MCF2L2: variants seen among roughly 807,000 people sequenced by gnomAD.
MCF2L2 encodes probable guanine nucleotide exchange factor MCF2L2.
MCF2L2 carries 102 observed loss-of-function variants against 150.2 expected under a neutral mutation model. The ratio of observed to expected loss-of-function variants is 0.68; its 90% CI spans 0.58 to 0.80. The LOEUF is 0.80. Among genes scored for constraint, MCF2L2 ranks in the 30% least tolerant of loss-of-function variants. The pLI is 0.00. For missense variants in MCF2L2, 1,256 were observed against 1,372.8 expected, an observed-to-expected ratio of 0.91 and a Z score of 1.34; for synonymous variants, 465 against 491.3, an observed-to-expected ratio of 0.95 and a Z score of 0.71.
intron 3 of MCF2L2, among the ~76,000 whole-genome samples, chr3:183,368,556 G>C (rs534909844): frequency 6.6e-6 from 1 of 152,098 alleles, no homozygotes; most frequent in Non-Finnish European, 1.5e-5. Context: ...TCGAGGTCAG[G>C]AGTTCGAGAC....
chr3:183,195,956 C>A (rs572538593), intron 25 of MCF2L2, among the ~76,000 whole-genome samples: 1 of 152,192 alleles, frequency 6.6e-6, no homozygotes, highest in African/African-American at 2.4e-5. Context: ...TGATTTCTGC[C>A]GGGACTGAGG....
rs1723392633 is a variant in MCF2L2, at chr3:183,227,645, C to T, written c.2115+652G>A. 6.6e-6 allele frequency: 1 copy of T among 152,090 alleles called. No homozygotes were observed. The highest frequency in any genetic ancestry group is 1.5e-5 in the Non-Finnish European group (1 of 68,028). The allele number at this position is 152,090 out of a possible 1,614,324, so 9.4% of individuals were successfully genotyped here. Reference sequence around the variant, plus strand: ...AGAAGAGGATCCTCTGCTTTGGGGACCATGGATGGCCAGCCTTCCATTTCA... The same window carrying T: ...AGAAGAGGATCCTCTGCTTTGGGGATCATGGATGGCCAGCCTTCCATTTCA... On this transcript the variant is annotated intron_variant, in intron 18 of 29. Transcript: ENST00000328913. This position sits in a 1 kb window ranked among gnomAD's most constrained non-coding sequence, Gnocchi z 4.0.
intron 1 of MCF2L2, among the ~76,000 whole-genome samples, chr3:183,415,567 G>C (rs1715545730): frequency 1.3e-5 from 2 of 152,062 alleles, no homozygotes; most frequent in African/African-American, 2.4e-5. Context: ...TTAGGCGTTT[G>C]TAATTATTAT....
chr3:183,368,198 C>T (rs777533127), intron 3 of MCF2L2, among the ~76,000 whole-genome samples: 7 of 152,176 alleles, frequency 4.6e-5, no homozygotes, highest in Non-Finnish European at 5.9e-5. Context: ...TTTGGCCCTA[C>T]CCCTAGACTT....
At chr3:183,260,483 C>A (rs1725482514) in intron 15 of MCF2L2, among the ~76,000 whole-genome samples, 1 of 152,162 alleles carries the variant, frequency 6.6e-6, no homozygotes, top group South Asian at 2.1e-4. Context: ...TCTGAGACCT[C>A]CTTTATATGT....
Position 183,270,645 on chromosome 3 carries a change from G to A in MCF2L2, c.1862+6227C>T, listed in dbSNP as rs1190308876. ...ACTAAATTCAAGTCTTTACATAGAC[G>A]ATGTGTTCATGGGCCTCTGTGCCAA... On this transcript the variant is annotated intron_variant, in intron 15 of 29. Coordinates refer to ENST00000328913, the MANE Select transcript of MCF2L2 (RefSeq NM_015078.4). This position sits in a 1 kb window ranked among gnomAD's most constrained non-coding sequence, Gnocchi z 4.5. The A allele has an allele frequency of 6.2e-6, 10 of 1,614,004 alleles. No homozygotes were observed. Among genetic ancestry groups the A allele is most frequent in the East Asian group, 2.2e-5 (1 of 44,900 alleles).
chr3:183,247,924 GAAAAC>G (rs965302111), intron 15 of MCF2L2, among the ~76,000 whole-genome samples: 11 of 151,984 alleles, frequency 7.2e-5, no homozygotes, highest in African/African-American at 2.4e-4. Flanking sequence ...GTACCAAGTT[GAAAAC>G]AAAACAAAAG....
chr3:183,356,058 G>A (rs1201975966), intron 3 of MCF2L2, among the ~76,000 whole-genome samples: 1 of 151,700 alleles, frequency 6.6e-6, no homozygotes, highest in Non-Finnish European at 1.5e-5. Context: ...GGCTATAGGA[G>A]TTGAAGCTAA....
At chr3:183,231,312 AG>A in intron 15 of MCF2L2, 1 of 534,850 alleles carries the variant, frequency 1.9e-6, no homozygotes, top group Non-Finnish European at 3.6e-6. Flanking sequence ...GTGGGGGTCA[AG>A]AAGGGAGATG....
At chr3:183,423,224 C>G (rs1238368367) in intron 1 of MCF2L2, among the ~76,000 whole-genome samples, 1 of 152,178 alleles carries the variant, frequency 6.6e-6, no homozygotes, top group African/African-American at 2.4e-5. Context: ...TCAGTACCAA[C>G]AGCTGAGGCA....
intron 1 of MCF2L2, among the ~76,000 whole-genome samples, chr3:183,390,778 TC>T (rs1269432911): frequency 1.3e-5 from 2 of 152,154 alleles, no homozygotes; most frequent in Non-Finnish European, 2.9e-5. Flanking sequence ...ATGCCTGCGG[TC>T]CCAGCTACTT....
At chr3:183,273,985 C>G (rs1269553966) in intron 15 of MCF2L2, among the ~76,000 whole-genome samples, 1 of 152,142 alleles carries the variant, frequency 6.6e-6, no homozygotes, top group African/African-American at 2.4e-5. Context: ...GAGGCCGAGG[C>G]AAGTGGACCA....
chr3:183,401,951 G>C (rs73062773), intron 1 of MCF2L2, among the ~76,000 whole-genome samples: 14,662 of 152,144 alleles, frequency 0.096, 1,642 homozygotes, highest in African/African-American at 0.27. Flanking sequence ...TCTAGAAATG[G>C]TATTGATGAG....
rs79101887 is a variant in MCF2L2, at chr3:183,211,190, G to A, written c.2497-3367C>T. 5.8e-3 allele frequency among the ~76,000 whole-genome samples: 886 copies of A among 152,258 alleles called. 4 individuals carry two copies. Among genetic ancestry groups the A allele is most frequent in the Non-Finnish European group, 9.7e-3 (663 of 68,014 alleles). On this transcript the variant is annotated intron_variant, in intron 22 of 29. Transcript: ENST00000328913. ...GTGGGTGCACTTGACATATACAGGC[G>A]GGTCACACAGGTAAGAACCCCGGCT...
intron 25 of MCF2L2, 43 bp from the exon 26 acceptor site, chr3:183,195,298 C>T (rs1454947037): frequency 2.1e-6 from 3 of 1,413,622 alleles, no homozygotes; most frequent in Non-Finnish European, 3.0e-6. Context: ...CAAATTTAAG[C>T]TAATTTGAAT....
chr3:183,279,647 GCCCCTCT>G (rs1339021018), intron 14 of MCF2L2, among the ~76,000 whole-genome samples: 1 of 152,172 alleles, frequency 6.6e-6, no homozygotes, highest in Non-Finnish European at 1.5e-5. Flanking sequence ...AGGCGGAACA[GCCCCTCT>G]CCCCTTATGG....
chr3:183,420,035 C>G (rs1577142199), intron 1 of MCF2L2, among the ~76,000 whole-genome samples: 1 of 152,158 alleles, frequency 6.6e-6, no homozygotes, highest in Non-Finnish European at 1.5e-5. Flanking sequence ...ACTCCAGTTC[C>G]CAATAAGTTC....
intron 3 of MCF2L2, among the ~76,000 whole-genome samples, chr3:183,349,973 A>G (rs1731048547): frequency 6.6e-6 from 1 of 152,142 alleles, no homozygotes; most frequent in Non-Finnish European, 1.5e-5. Flanking sequence ...CTTAGCAAAT[A>G]TTAGATCGTT....
At chr3:183,336,213 ATG>A (rs1240361410) in intron 5 of MCF2L2, among the ~76,000 whole-genome samples, 1 of 152,168 alleles carries the variant, frequency 6.6e-6, no homozygotes, top group African/African-American at 2.4e-5. Flanking sequence ...TAACATTCTT[ATG>A]TGTATATATA....
Sources: gnomAD v4.1 joint callset for allele counts (sites outside exome capture counted in the v4.1 genomes callset) on GRCh38, gnomAD v4.1.1 for gene constraint, Gnocchi (gnomAD v3.1) non-coding constraint, MANE v1.5 for transcripts, NCBI Gene and HGNC (gene_info 2026-07-23, HGNC 2026-07-21) for gene names.